Variants in OR11A1 observed in about 807,000 individuals in gnomAD.
OR11A1 encodes olfactory receptor 11A1.
For synonymous variants in OR11A1, 158 were observed against 152.2 expected (o/e 1.04, Z -0.28); for missense variants, 380 against 378.2 (o/e 1.00, Z -0.04).
intron 1 of OR11A1, among the ~76,000 whole-genome samples, chr6:29,432,327 C>A (rs1284897115): frequency 6.6e-6 from 1 of 152,148 alleles, no homozygotes; most frequent in Non-Finnish European, 1.5e-5. Flanking sequence ...CCTTTCCATC[C>A]CCTTGGGGAC....
intron 1 of OR11A1, among the ~76,000 whole-genome samples, chr6:29,446,293 C>A (rs887419823): frequency 6.6e-6 from 1 of 152,142 alleles, no homozygotes; most frequent in African/African-American, 2.4e-5. Context: ...CAGCCCAGAC[C>A]CACTTCCTCC....
chr6:29,440,489 C>T, intron 1 of OR11A1: 3 of 1,613,812 alleles, frequency 1.9e-6, no homozygotes, highest in Non-Finnish European at 2.5e-6. Flanking sequence ...GGCTGGGCCA[C>T]ACCCCTTTCA....
intron 1 of OR11A1, among the ~76,000 whole-genome samples, chr6:29,448,116 A>C (rs1212116900): frequency 2.1e-5 from 3 of 145,016 alleles, no homozygotes; most frequent in Non-Finnish European, 4.5e-5. Context: ...TCCTGGGTTC[A>C]AGCGATTCTC....
At chr6:29,435,706 A>G (rs1178386920) in intron 1 of OR11A1, among the ~76,000 whole-genome samples, 1 of 152,242 alleles carries the variant, frequency 6.6e-6, no homozygotes, top group Non-Finnish European at 1.5e-5. Context: ...TTTTACAAAA[A>G]CAAATTATAG....
intron 3 of OR11A1, among the ~76,000 whole-genome samples, chr6:29,430,074 AG>A (rs1021037489): frequency 2.0e-5 from 3 of 152,226 alleles, no homozygotes; most frequent in African/African-American, 7.2e-5. Flanking sequence ...CTTTTCCAAA[AG>A]ACTAAAAGTT....
At chr6:29,440,871 C>G in intron 1 of OR11A1, 1 of 1,613,926 alleles carries the variant, frequency 6.2e-7, no homozygotes, top group South Asian at 1.1e-5. Flanking sequence ...CATCCTCAAC[C>G]CCATCATCTA....
intron 2 of OR11A1, 41 bp downstream of exon 2, chr6:29,431,823 T>A: frequency 2.0e-6 from 2 of 982,138 alleles, no homozygotes; most frequent in Non-Finnish European, 2.4e-6. Flanking sequence ...TTAAAGAATC[T>A]GTGAACTAAG....
intron 1 of OR11A1, chr6:29,440,698 C>T: frequency 6.2e-7 from 1 of 1,614,140 alleles, no homozygotes; most frequent in Non-Finnish European, 8.5e-7. Flanking sequence ...TTCCGGATCC[C>T]ATCTGTTGCG....
At chr6:29,442,190 C>A (rs1784259477) in intron 1 of OR11A1, among the ~76,000 whole-genome samples, 1 of 152,096 alleles carries the variant, frequency 6.6e-6, no homozygotes, top group African/African-American at 2.4e-5. Flanking sequence ...GCATTGGAAC[C>A]CACAAGAGAC....
chr6:29,447,808 C>T (rs929927027), intron 1 of OR11A1, among the ~76,000 whole-genome samples: 1 of 152,122 alleles, frequency 6.6e-6, no homozygotes, highest in East Asian at 1.9e-4. Context: ...TCTGGGATGG[C>T]CTGGCTGGGC....
At chr6:29,437,838 A>C (rs146223789) in intron 1 of OR11A1, among the ~76,000 whole-genome samples, 1 of 152,238 alleles carries the variant, frequency 6.6e-6, no homozygotes, top group East Asian at 1.9e-4. Flanking sequence ...ACAGGGCTAC[A>C]CTCTGGGAGT....
At chr6:29,454,001 C>A (rs1404588048) in intron 1 of OR11A1, among the ~76,000 whole-genome samples, 1 of 152,036 alleles carries the variant, frequency 6.6e-6, no homozygotes, top group Non-Finnish European at 1.5e-5. Flanking sequence ...TAGGTTGAGA[C>A]CATGGAAGCC....
intron 1 of OR11A1, among the ~76,000 whole-genome samples, chr6:29,448,895 C>A (rs1377761282): frequency 4.6e-5 from 7 of 152,270 alleles, no homozygotes; most frequent in Non-Finnish European, 5.9e-5. Context: ...ACTTTTCTTG[C>A]CTTCAATGTA....
rs41271549 is a variant in OR11A1, at chr6:29,440,116, A to G, written c.-388-8129T>C. On this transcript the variant is annotated intron_variant, in intron 1 of 4. Transcript: ENST00000377149. ...CTCTTCTCTGTCTTTCTCACTATCT[A>G]CCTGCTGACCGTGGCAGGCAATTTC... 15,039 of 1,613,042 alleles carry G rather than the reference A, an allele frequency of 9.3e-3. 126 individuals are homozygous for G. Among genetic ancestry groups the G allele is most frequent in the South Asian group, 0.014 (1,286 of 91,058 alleles).
chr6:29,449,159 A>G (rs960604670), intron 1 of OR11A1, among the ~76,000 whole-genome samples: 9 of 152,220 alleles, frequency 5.9e-5, no homozygotes, highest in African/African-American at 2.2e-4. Context: ...TAGAATATAT[A>G]GTACCAAGAG....
intron 1 of OR11A1, among the ~76,000 whole-genome samples, chr6:29,441,464 T>C (rs1460611071): frequency 1.3e-5 from 2 of 152,212 alleles, no homozygotes; most frequent in African/African-American, 4.8e-5. Flanking sequence ...TAAGTTCTTA[T>C]GGAAATTCAT....
intron 1 of OR11A1, among the ~76,000 whole-genome samples, chr6:29,451,996 C>T (rs116285339): frequency 0.035 from 5,359 of 152,166 alleles, 222 homozygotes; most frequent in African/African-American, 0.1. Context: ...ATACTATACA[C>T]CCATGAAAAA....
chr6:29,449,643 T>TG (rs1195495796), intron 1 of OR11A1, among the ~76,000 whole-genome samples: 1 of 152,156 alleles, frequency 6.6e-6, no homozygotes, highest in African/African-American at 2.4e-5. Flanking sequence ...TTCTCTTTTT[T>TG]TTGTTGTTTT....
chr6:29,446,485 G>A (rs940254972), intron 1 of OR11A1, among the ~76,000 whole-genome samples: 9 of 152,322 alleles, frequency 5.9e-5, no homozygotes, highest in African/African-American at 1.7e-4. Context: ...CAGGGGCCTG[G>A]AAAGCCAAGC....
Sources: gnomAD v4.1 joint callset for allele counts (sites outside exome capture counted in the v4.1 genomes callset) on GRCh38, gnomAD v4.1.1 for gene constraint, MANE v1.5 for transcripts, NCBI Gene and HGNC (gene_info 2026-07-23, HGNC 2026-07-21) for gene names.